The following BPIFC variants were observed in gnomAD, a reference collection of about 807,000 sequenced individuals.
BPIFC encodes BPI fold-containing family C protein.
BPIFC carries 60 observed loss-of-function variants against 57.6 expected under a neutral mutation model. The ratio of observed to expected loss-of-function variants is 1.04; its 90% confidence interval spans 0.85 to 1.29. The LOEUF is 1.29. Ranked by LOEUF, BPIFC falls within the 50% of genes most tolerant of loss-of-function variation. The pLI is 0.00. For synonymous variants in BPIFC, 243 were observed against 224.5 expected (o/e 1.08, Z -0.74); for missense variants, 581 against 600.5 (o/e 0.97, Z 0.34).
At chr22:32,442,579 C>T in intron 8 of BPIFC, 92 bp downstream of exon 8, 1 of 1,285,712 alleles carries the variant, frequency 7.8e-7, no homozygotes, top group African/African-American at 1.5e-5. Flanking sequence ...ATGGATAGCT[C>T]AAGCTATACC....
chr22:32,447,309 T>C lies in BPIFC; in HGVS notation c.277A>G (p.Thr93Ala). 6.2e-7 allele frequency: 1 copy of C among 1,613,924 alleles called. No homozygotes were observed. The highest frequency in any genetic ancestry group is 8.5e-7 in the Non-Finnish European group (1 of 1,179,950). Residue 93 changes from threonine (T) to alanine (A), a missense_variant, in exon 5 of 17, where the codon ACC becomes GCC. Coordinates refer to ENST00000300399, the MANE Select transcript of BPIFC (RefSeq NM_174932.3). ...IKISAFSFPN[T>A]SLAFVPGVGI... is the part of the protein sequence containing the mutation. ...ACTCCAGGCACAAAAGCCAATGAGG[T>C]ATTTGGAAATGAAAAGGCACTGATT...
intron 13 of BPIFC, among the ~76,000 whole-genome samples, chr22:32,419,658 T>C (rs1484147325): frequency 2.0e-5 from 3 of 151,690 alleles, no homozygotes; most frequent in African/African-American, 7.3e-5. Flanking sequence ...ATGCAAAAAT[T>C]AGCCAGGCAT....
At chr22:32,458,933 T>C (rs950936245) in intron 2 of BPIFC, among the ~76,000 whole-genome samples, 4 of 152,232 alleles carry the variant, frequency 2.6e-5, no homozygotes, top group East Asian at 1.9e-4. Flanking sequence ...TTGGCATACA[T>C]GAATGATTAA....
intron 4 of BPIFC, among the ~76,000 whole-genome samples, chr22:32,448,784 A>G (rs1432097443): frequency 6.6e-6 from 1 of 152,074 alleles, no homozygotes; most frequent in Non-Finnish European, 1.5e-5. Flanking sequence ...CTAAAAATAT[A>G]AAAATTAACC....
rs760804312 is a variant in BPIFC at position 32,433,682 on chromosome 22, C to G, written c.978+37G>C. 8.1e-6 allele frequency: 13 copies of G among 1,597,374 alleles called. No individual in the cohort carries two copies. In the East Asian group the frequency reaches 2.9e-4, roughly 36 times the overall value. ...CTTCCAGAAGTAATTGCAATGGAGC[C>G]AAATACACTATCAAGACTCAAACCC... On this transcript the variant is annotated intron_variant, in intron 11 of 16. Transcript: ENST00000300399.
intron 3 of BPIFC, among the ~76,000 whole-genome samples, chr22:32,456,877 C>T (rs527655496): frequency 6.6e-4 from 101 of 152,270 alleles, no homozygotes; most frequent in African/African-American, 2.4e-3. Context: ...ACATTTTAAC[C>T]CAATTTTAGG....
chr22:32,436,388 G>C (rs991217559), intron 9 of BPIFC, among the ~76,000 whole-genome samples: 1 of 115,530 alleles, frequency 8.7e-6, no homozygotes, highest in Non-Finnish European at 2.0e-5. Flanking sequence ...AAGAGGAGGA[G>C]GAGGAAGAGG....
chr22:32,440,334 G>C (rs1426540693), intron 8 of BPIFC, among the ~76,000 whole-genome samples: 1 of 151,370 alleles, frequency 6.6e-6, no homozygotes, highest in Non-Finnish European at 1.5e-5. Context: ...TAGAAACAAG[G>C]TCTCACTATG....
intron 15 of BPIFC, 109 bp downstream of exon 15, chr22:32,416,976 G>A (rs1325726225): frequency 2.0e-6 from 2 of 992,280 alleles, no homozygotes; most frequent in Non-Finnish European, 3.3e-6. Flanking sequence ...TAACATGATA[G>A]AAGTACAAGC....
Position 32,424,642 on chromosome 22 carries a change from C to CCCTTCTTCT in BPIFC, c.1218-5239_1218-5238insAGAAGAAGG, listed in dbSNP as rs1556036524. Among the ~76,000 whole-genome samples the CCCTTCTTCT allele has an allele frequency of 4.5e-4, 13 of 28,756 alleles. 1 individual carries two copies. The highest frequency in any genetic ancestry group is 6.2e-4 in the Non-Finnish European group (11 of 17,662). The allele number at this position is 28,756 out of a possible 152,430, so 18.9% of individuals were successfully genotyped here. On this transcript the variant is annotated intron_variant, in intron 13 of 16. Coordinates refer to ENST00000300399, the MANE Select transcript of BPIFC (RefSeq NM_174932.3). Reference sequence around the variant, plus strand: ...TCCTCCTCCTCCTCTTCTTCTTCTTCTCTTCTTCTTCTTCTTCTTCTTCTT... The same window carrying CCCTTCTTCT: ...TCCTCCTCCTCCTCTTCTTCTTCTTCCCTTCTTCTTCTTCTTCTTCTTCTTCTTCTTCTT...
chr22:32,457,396 A>C lies in BPIFC; in HGVS notation c.1-10T>G, dbSNP rs775780037. 71 of 1,603,248 alleles carry C rather than the reference A, an allele frequency of 4.4e-5. No homozygotes were observed. The highest frequency in any genetic ancestry group is 5.4e-5 in the Non-Finnish European group (64 of 1,177,236). On this transcript the variant is annotated splice_polypyrimidine_tract_variant and intron_variant, in intron 2 of 16. Coordinates refer to ENST00000300399, the MANE Select transcript of BPIFC (RefSeq NM_174932.3). Reference sequence around the variant, plus strand: ...TTGTCTTTGTACACATCTGAAATTAACCAACAGTTAAGGTTCCTTTATTAT... The same window carrying C: ...TTGTCTTTGTACACATCTGAAATTACCCAACAGTTAAGGTTCCTTTATTAT...
intron 13 of BPIFC, among the ~76,000 whole-genome samples, chr22:32,429,894 A>C (rs1467706052): frequency 1.3e-5 from 2 of 152,124 alleles, no homozygotes; most frequent in African/African-American, 4.8e-5. Flanking sequence ...CTGGTTTCTC[A>C]GATCTTTTCT....
At chr22:32,461,706 A>G (rs1254722732) in intron 1 of BPIFC, 45 bp from the exon 2 acceptor site, 6 of 942,980 alleles carry the variant, frequency 6.4e-6, no homozygotes, top group Non-Finnish European at 7.6e-6. Context: ...AGTGAGGAGA[A>G]CACTTCTGGG....
intron 4 of BPIFC, 39 bp from the exon 5 acceptor site, chr22:32,447,379 A>G (rs750920173): frequency 6.3e-7 from 1 of 1,596,254 alleles, no homozygotes; most frequent in Admixed American, 1.7e-5. Flanking sequence ...CGACTCTTCC[A>G]GCACATCTCT....
intron 2 of BPIFC, among the ~76,000 whole-genome samples, 175 bp from the exon 3 acceptor site, chr22:32,457,561 CCATCCATCCA>C (rs1935069903): frequency 1.3e-5 from 1 of 74,188 alleles, no homozygotes. Context: ...ATCCATCCGT[CCATCCATCCA>C]TCCATCCATC....
chr22:32,450,862 C>T (rs1934878470), intron 4 of BPIFC, among the ~76,000 whole-genome samples: 1 of 152,082 alleles, frequency 6.6e-6, no homozygotes, highest in African/African-American at 2.4e-5. Context: ...CGTCTTGTTC[C>T]AAGCATTTTG....
At chr22:32,457,548 A>T (rs1025582987) in intron 2 of BPIFC, among the ~76,000 whole-genome samples, 162 bp from the exon 3 acceptor site, 248 of 140,992 alleles carry the variant, frequency 1.8e-3, no homozygotes, top group African/African-American at 6.1e-3. Flanking sequence ...CATCCATCCA[A>T]CCATCCATCC....
At chr22:32,420,918 A>G (rs966838018) in intron 13 of BPIFC, among the ~76,000 whole-genome samples, 7 of 152,246 alleles carry the variant, frequency 4.6e-5, no homozygotes, top group South Asian at 2.1e-4. Flanking sequence ...AATGATGCAC[A>G]TAAAATGCTT....
At chr22:32,416,701 TGTGTC>T (rs1236521682) in intron 15 of BPIFC, among the ~76,000 whole-genome samples, 1 of 152,242 alleles carries the variant, frequency 6.6e-6, no homozygotes, top group Non-Finnish European at 1.5e-5. Context: ...TCATGAAAAC[TGTGTC>T]TATCCAGTTA....
Sources: allele counts gnomAD v4.1 joint callset (sites outside exome capture counted in the v4.1 genomes callset), GRCh38; gene constraint gnomAD v4.1.1; transcripts MANE v1.5; gene names NCBI Gene and HGNC (gene_info 2026-07-23, HGNC 2026-07-21).